GALNT17: variants seen among roughly 807,000 people sequenced by gnomAD.
GALNT17 encodes the protein polypeptide N-acetylgalactosaminyltransferase 17.
GALNT17 carries 29 observed loss-of-function variants against 63.7 expected under a neutral mutation model. That is an observed-to-expected ratio of 0.46 (90% CI 0.34 to 0.62). GALNT17 has a LOEUF of 0.62. GALNT17 is among the 20% of genes least tolerant of loss of function. The pLI, the probability that GALNT17 is intolerant of heterozygous loss-of-function variation, is 0.01. For synonymous variants in GALNT17, 305 were observed against 318.3 expected, an observed-to-expected ratio of 0.96 and a Z score of 0.45; for missense variants, 603 against 799.6, an observed-to-expected ratio of 0.75 and a Z score of 2.97.
At chr7:71,338,062 G>A (rs530543486) in intron 2 of GALNT17, among the ~76,000 whole-genome samples, 25 of 151,518 alleles carry the variant, frequency 1.6e-4, no homozygotes, top group Middle Eastern at 6.9e-3. Context: ...TGCGAGGTGC[G>A]GTGGCCTGTA....
intron 9 of GALNT17, among the ~76,000 whole-genome samples, chr7:71,685,925 T>G (rs1005084246): frequency 6.7e-6 from 1 of 150,276 alleles, no homozygotes; most frequent in African/African-American, 2.4e-5. Context: ...TTTTTTTTTT[T>G]TTTTCTTTTC....
chr7:71,155,709 TTTG>T (rs1788222225), intron 1 of GALNT17, among the ~76,000 whole-genome samples: 1 of 151,884 alleles, frequency 6.6e-6, no homozygotes, highest in South Asian at 2.1e-4. Context: ...ACCTGGAGAA[TTTG>T]GTGTTTCTAT....
chr7:71,192,325 A>G (rs1474467465), intron 1 of GALNT17, among the ~76,000 whole-genome samples: 1 of 152,036 alleles, frequency 6.6e-6, no homozygotes, highest in Non-Finnish European at 1.5e-5. Context: ...CCCAGGGACA[A>G]TACTTTGCAT....
At chr7:71,353,634 A>G (rs1419225538) in intron 2 of GALNT17, among the ~76,000 whole-genome samples, 1 of 152,196 alleles carries the variant, frequency 6.6e-6, no homozygotes, top group Non-Finnish European at 1.5e-5. Context: ...TGGCAGGAAT[A>G]CTACAAAAAT....
intron 1 of GALNT17, among the ~76,000 whole-genome samples, chr7:71,223,105 G>A (rs150795578): frequency 6.6e-6 from 1 of 152,160 alleles, no homozygotes. Flanking sequence ...TTTCTTTCAG[G>A]TTTTTCCTGT....
intron 6 of GALNT17, among the ~76,000 whole-genome samples, chr7:71,603,583 G>A (rs962487478): frequency 3.3e-4 from 50 of 151,502 alleles, no homozygotes; most frequent in Non-Finnish European, 6.8e-4. Flanking sequence ...TGCATATGCT[G>A]GATACCATGC....
At chr7:71,538,458 C>T (rs865931463) in intron 5 of GALNT17, among the ~76,000 whole-genome samples, 15 of 152,228 alleles carry the variant, frequency 9.9e-5, no homozygotes, top group East Asian at 3.9e-4. Flanking sequence ...TCAGTCAACC[C>T]GACGGGACGC....
chr7:71,386,851 G>C (rs1392871330), intron 2 of GALNT17, among the ~76,000 whole-genome samples: 1 of 152,152 alleles, frequency 6.6e-6, no homozygotes, highest in East Asian at 1.9e-4. Context: ...ATGATTATTG[G>C]CGTGGGTGTT....
At chr7:71,325,077 A>T (rs775307256) in intron 1 of GALNT17, among the ~76,000 whole-genome samples, 8 of 152,174 alleles carry the variant, frequency 5.3e-5, no homozygotes, top group Admixed American at 5.2e-4. Flanking sequence ...TATTTTTCAG[A>T]TACTTACCTT....
intron 1 of GALNT17, among the ~76,000 whole-genome samples, chr7:71,327,593 A>C: frequency 6.6e-6 from 1 of 152,214 alleles, no homozygotes. Flanking sequence ...CAGATACAGC[A>C]TCAAGACTTT....
At chr7:71,270,538 CAAAAAAAAA>C (rs573250852) in intron 1 of GALNT17, among the ~76,000 whole-genome samples, 1 of 89,206 alleles carries the variant, frequency 1.1e-5, no homozygotes. Flanking sequence ...CCCACCCCAC[CAAAAAAAAA>C]AAAAAAAAAA....
chr7:71,305,011 G>A (rs1027913538), intron 1 of GALNT17, among the ~76,000 whole-genome samples: 20 of 152,288 alleles, frequency 1.3e-4, no homozygotes, highest in African/African-American at 4.6e-4. Flanking sequence ...GATTACAGGC[G>A]TGAGCCACAC....
chr7:71,266,151 C>G (rs1790488597), intron 1 of GALNT17, among the ~76,000 whole-genome samples: 1 of 152,126 alleles, frequency 6.6e-6, no homozygotes, highest in African/African-American at 2.4e-5. Context: ...CTGTATACCT[C>G]TTATAAGGAC....
chr7:71,390,912 C>G (rs891086445), intron 3 of GALNT17, among the ~76,000 whole-genome samples: 1 of 152,194 alleles, frequency 6.6e-6, no homozygotes, highest in Non-Finnish European at 1.5e-5. Flanking sequence ...AGTGTAAACC[C>G]AGACCTCAGA....
At chr7:71,516,125 TTTCTAG>T (rs1218006966) in intron 5 of GALNT17, among the ~76,000 whole-genome samples, 1 of 152,134 alleles carries the variant, frequency 6.6e-6, no homozygotes, top group African/African-American at 2.4e-5. Flanking sequence ...AGAGGGATGA[TTTCTAG>T]TTTTGTCTTT....
intron 1 of GALNT17, among the ~76,000 whole-genome samples, chr7:71,162,032 TTCCC>T (rs1190994796): frequency 1.2e-4 from 16 of 138,458 alleles, no homozygotes; most frequent in Admixed American, 6.4e-4. Context: ...TTCTTTCTCT[TTCCC>T]TCCCTCCCTC....
chr7:71,246,343 A>C (rs1185072155), intron 1 of GALNT17, among the ~76,000 whole-genome samples: 2 of 151,096 alleles, frequency 1.3e-5, no homozygotes, highest in African/African-American at 4.9e-5. Context: ...GGCTGGTTTC[A>C]AACTCCTGAC....
intron 3 of GALNT17, among the ~76,000 whole-genome samples, chr7:71,395,868 T>C (rs1280819178): frequency 2.6e-5 from 4 of 152,208 alleles, no homozygotes; most frequent in Non-Finnish European, 5.9e-5. Flanking sequence ...TCTTTTCATG[T>C]GCTTATTTTT....
Position 71,712,480 on chromosome 7 carries a change from T to C in GALNT17, c.*334T>C, listed in dbSNP as rs762203459. The C allele has an allele frequency of 2.7e-4, 50 of 184,396 alleles. No homozygotes were observed. The highest frequency in any genetic ancestry group is 5.5e-4 in the Admixed American group (9 of 16,382). 11.4% of individuals were successfully genotyped at this position (184,396 alleles called of 1,614,324 possible). A position where few individuals can be genotyped will look rare whatever the true frequency, so the allele number is the denominator to read the frequency against. ...CATCTCCCATCCCAGAATCAGGATC[T>C]GGGACTGGCAGGGTCCCCTCCTGTG... On this transcript the variant is annotated 3_prime_UTR_variant, in exon 11 of 11. Transcript: ENST00000333538.
Sources: gnomAD v4.1 joint callset for allele counts (sites outside exome capture counted in the v4.1 genomes callset) on GRCh38, gnomAD v4.1.1 for gene constraint, MANE v1.5 for transcripts, NCBI Gene and HGNC (gene_info 2026-07-23, HGNC 2026-07-21) for gene names.